Variants in CBLN2 observed in about 807,000 individuals in gnomAD.
CBLN2 encodes cerebellin-2.
CBLN2 carries 7 observed loss-of-function variants against 15.0 expected under a neutral mutation model. The ratio of observed to expected loss-of-function variants is 0.47; its 90% CI spans 0.27 to 0.88. The LOEUF is 0.88. CBLN2 is among the 40% of genes least tolerant of loss of function. The pLI, the probability that CBLN2 is intolerant of heterozygous loss-of-function variation, is 0.14. For missense variants in CBLN2, 242 were observed against 304.5 expected (o/e 0.79, Z 1.53); for synonymous variants, 149 against 135.2 (o/e 1.10, Z -0.71).
chr18:72,615,752 C>G (rs8096875), intron 1 of CBLN2, among the ~76,000 whole-genome samples: 5,422 of 152,096 alleles, frequency 0.036, 123 homozygotes, highest in Middle Eastern at 0.062. Context: ...TATTTCATGA[C>G]GTCAAGAGAA....
intron 1 of CBLN2, among the ~76,000 whole-genome samples, chr18:72,590,378 G>A (rs1181244259): frequency 1.3e-5 from 2 of 152,160 alleles, no homozygotes; most frequent in Non-Finnish European, 2.9e-5. Context: ...ACCGGGAGGT[G>A]GAGGTTGTAG....
chr18:72,631,530 G>A (rs1248462437), intron 1 of CBLN2, among the ~76,000 whole-genome samples: 1 of 151,926 alleles, frequency 6.6e-6, no homozygotes, highest in Non-Finnish European at 1.5e-5. Flanking sequence ...TTCTGGAATT[G>A]GGTGCTTGGA....
At chr18:72,594,446 T>C (rs1025817410) in intron 1 of CBLN2, among the ~76,000 whole-genome samples, 39 of 149,208 alleles carry the variant, frequency 2.6e-4, no homozygotes, top group African/African-American at 6.9e-4. Context: ...GTAGTTCTCT[T>C]TTTTTTTTTA....
chr18:72,569,596 G>T (rs895186800), intron 1 of CBLN2, among the ~76,000 whole-genome samples: 3 of 152,100 alleles, frequency 2.0e-5, no homozygotes, highest in African/African-American at 7.2e-5. Flanking sequence ...TCTGATTCTG[G>T]GGAGGCCTCA....
chr18:72,632,206 C>T (rs1414593748), intron 1 of CBLN2, among the ~76,000 whole-genome samples: 1 of 151,880 alleles, frequency 6.6e-6, no homozygotes, highest in South Asian at 2.1e-4. Flanking sequence ...ATATGAGAAG[C>T]CCTGAAGGGT....
intron 1 of CBLN2, among the ~76,000 whole-genome samples, chr18:72,595,653 A>ACC (rs1407236160): frequency 6.6e-6 from 1 of 152,026 alleles, no homozygotes; most frequent in African/African-American, 2.4e-5. Flanking sequence ...ACTGGGGTTT[A>ACC]TCTCTCTCTT....
At chr18:72,570,464 T>C (rs1364448191) in intron 1 of CBLN2, among the ~76,000 whole-genome samples, 1 of 150,890 alleles carries the variant, frequency 6.6e-6, no homozygotes, top group African/African-American at 2.4e-5. Context: ...CCCAGGCAAG[T>C]CTCAAACTCC....
chr18:72,606,302 A>G (rs995179836), intron 1 of CBLN2, among the ~76,000 whole-genome samples: 6 of 152,114 alleles, frequency 3.9e-5, no homozygotes, highest in Non-Finnish European at 7.4e-5. Flanking sequence ...ACTACTATAC[A>G]TTTTCTTTTC....
At chr18:72,637,635 T>G (rs557340151) in intron 1 of CBLN2, among the ~76,000 whole-genome samples, 1 of 152,322 alleles carries the variant, frequency 6.6e-6, no homozygotes, top group Admixed American at 6.5e-5. Flanking sequence ...GGAGGGGAAT[T>G]GGTACCTGAT....
At chr18:72,581,852 G>A (rs1340035781) in intron 1 of CBLN2, among the ~76,000 whole-genome samples, 2 of 151,954 alleles carry the variant, frequency 1.3e-5, no homozygotes, top group East Asian at 1.9e-4. Context: ...CTGTTTAATC[G>A]ATTAGTTCGT....
intron 1 of CBLN2, among the ~76,000 whole-genome samples, chr18:72,608,913 G>T (rs1023546658): frequency 6.6e-6 from 1 of 152,170 alleles, no homozygotes; most frequent in South Asian, 2.1e-4. Context: ...AGCTTGTGCA[G>T]GGGAACTCCC....
rs1401160481 is a variant in CBLN2, at chr18:72,610,240, C to A, written c.15+28085G>T. 3.9e-5 allele frequency among the ~76,000 whole-genome samples: 6 copies of A among 152,200 alleles called. No homozygotes were observed. The East Asian group carries it at 9.7e-4, about 25-fold the overall frequency. ...CCCATCTCTCTTCCACCCTGGCCACCCCTGTCCCTTCAACACCAAGCACAC... is the reference window on the plus strand; with the variant it reads ...CCCATCTCTCTTCCACCCTGGCCACACCTGTCCCTTCAACACCAAGCACAC... On this transcript the variant is annotated intron_variant, in intron 1 of 2. Coordinates refer to the CBLN2 transcript ENST00000581073.
intron 1 of CBLN2, among the ~76,000 whole-genome samples, chr18:72,561,217 A>C (rs2144893618): frequency 7.1e-6 from 1 of 140,062 alleles, no homozygotes; most frequent in Middle Eastern, 3.6e-3. Flanking sequence ...AATCACTCCC[A>C]GGAAACCAAA....
intron 1 of CBLN2, among the ~76,000 whole-genome samples, chr18:72,585,824 AC>A (rs932822015): frequency 3.3e-5 from 5 of 152,172 alleles, no homozygotes; most frequent in African/African-American, 1.2e-4. Context: ...GCCCATTGGC[AC>A]CCAAAGTCCA....
At chr18:72,636,962 GA>G (rs74312574) in intron 1 of CBLN2, among the ~76,000 whole-genome samples, 30,503 of 137,560 alleles carry the variant, frequency 0.22, 3,745 homozygotes, top group East Asian at 0.59. Flanking sequence ...CAATACACAT[GA>G]AAAAAAAAAT....
At chr18:72,606,173 T>A (rs573258984) in intron 1 of CBLN2, among the ~76,000 whole-genome samples, 1 of 152,328 alleles carries the variant, frequency 6.6e-6, no homozygotes, top group African/African-American at 2.4e-5. Context: ...TTCTACCTTC[T>A]TTTTTTGCCT....
At position 72,543,673 on chromosome 18, in the gene CBLN2, C is replaced by A. The variant is rs1568250496; in HGVS notation, c.-211-143G>T. 4 of 360,348 alleles carry A rather than the reference C, an allele frequency of 1.1e-5. No individual in the cohort carries two copies. The South Asian group carries it at 4.5e-4, about 40-fold the overall frequency. The allele number at this position is 360,348 out of a possible 1,614,324, so 22.3% of individuals were successfully genotyped here. A position where few individuals can be genotyped will look rare whatever the true frequency, so the allele number is the denominator to read the frequency against. On this transcript the variant is annotated intron_variant, in intron 1 of 4. Transcript: ENST00000269503. This position sits in a 1 kb window ranked among gnomAD's most constrained non-coding sequence, Gnocchi z 6.8. ...CCTGCGCCGCTTCAGGGGTGCACCA[C>A]GCCCCGCGCGCCCGCTTAGGCGCCG...
intron 1 of CBLN2, among the ~76,000 whole-genome samples, chr18:72,588,913 G>C (rs528871605): frequency 2.0e-4 from 31 of 152,328 alleles, no homozygotes; most frequent in African/African-American, 7.2e-4. Context: ...AAAGTGCGCG[G>C]AGATGGGACT....
intron 1 of CBLN2, among the ~76,000 whole-genome samples, chr18:72,596,406 T>G (rs1476651640): frequency 1.3e-5 from 2 of 152,200 alleles, no homozygotes; most frequent in Non-Finnish European, 2.9e-5. Context: ...ATAATTATTT[T>G]TGATCAGTTC....
Sources: gnomAD v4.1 joint callset for allele counts (sites outside exome capture counted in the v4.1 genomes callset) on GRCh38, gnomAD v4.1.1 for gene constraint, Gnocchi (gnomAD v3.1) non-coding constraint, MANE v1.5 for transcripts, NCBI Gene and HGNC (gene_info 2026-07-23, HGNC 2026-07-21) for gene names.